LCORL: variants seen among roughly 807,000 people sequenced by gnomAD.
The protein encoded by LCORL is ligand-dependent nuclear receptor corepressor-like protein.
In LCORL, 41 loss-of-function variants were observed where a neutral mutation model predicts 141.8. The ratio of observed to expected loss-of-function variants is 0.29; its 90% CI spans 0.23 to 0.38. The LOEUF (loss-of-function observed/expected upper bound fraction) is 0.38. LCORL is among the 10% of genes least tolerant of loss of function. LCORL has a pLI of 1.00. For synonymous variants in LCORL, 618 were observed against 694.1 expected (o/e 0.89, Z 1.72); for missense variants, 1,759 against 2,035.0 (o/e 0.86, Z 2.61).
At chr4:17,967,898 C>T (rs1192421030) in intron 2 of LCORL, among the ~76,000 whole-genome samples, 1 of 151,086 alleles carries the variant, frequency 6.6e-6, no homozygotes, top group Non-Finnish European at 1.5e-5. Context: ...CACTCTGTTG[C>T]CCAGGCTGGA....
At chr4:17,883,795 T>C (rs1174867289) in intron 6 of LCORL, 2 of 1,550,668 alleles carry the variant, frequency 1.3e-6, no homozygotes, top group East Asian at 2.4e-5. Context: ...TGTCTGGTAA[T>C]CGTAGTTTCT....
Position 17,920,741 on chromosome 4 carries a change from C to A in LCORL, c.431-11396G>T, listed in dbSNP as rs114566200. 4.9e-3 allele frequency among the ~76,000 whole-genome samples: 742 copies of A among 152,340 alleles called. 4 individuals are homozygous for A. The highest frequency in any genetic ancestry group is 0.017 in the African/African-American group (706 of 41,562). ...TTCAACAATGCTCACAGCATCTTTGCCAGAAGTAAATTCCCTCTCAGGAAA... is the reference window on the plus strand; with the variant it reads ...TTCAACAATGCTCACAGCATCTTTGACAGAAGTAAATTCCCTCTCAGGAAA... On this transcript the variant is annotated intron_variant, in intron 4 of 7. Transcript: ENST00000635767.
In LCORL at chr4:17,952,162, C is replaced by T. The variant is rs112521868; in HGVS notation, c.430+9741G>A. On this transcript the variant is annotated intron_variant, in intron 4 of 7. Transcript: ENST00000635767. ...CAGATTGCTATATATTAAATATAGG[C>T]TAATTTTACTGACTGCCATATTAGA... is the stretch of plus-strand genomic sequence containing the variant. Among the ~76,000 whole-genome samples the T allele has an allele frequency of 4.6e-5, 7 of 152,076 alleles. 1 individual carries two copies. The highest frequency in any genetic ancestry group is 1.7e-4 in the African/African-American group (7 of 41,498).
chr4:17,948,115 T>G (rs780218855), intron 4 of LCORL, among the ~76,000 whole-genome samples: 1 of 151,898 alleles, frequency 6.6e-6, no homozygotes, highest in Non-Finnish European at 1.5e-5. Flanking sequence ...GTGATAAATA[T>G]GTGGAGGGTT....
At chr4:17,936,020 C>A (rs778034880) in intron 4 of LCORL, among the ~76,000 whole-genome samples, 1 of 152,108 alleles carries the variant, frequency 6.6e-6, no homozygotes, top group Admixed American at 6.5e-5. Context: ...ACTAAACTTA[C>A]AAGAGTAAAC....
chr4:18,021,836 A>T lies in LCORL; in HGVS notation c.-85T>A, dbSNP rs1228025023. 7.2e-7 allele frequency: 1 copy of T among 1,384,806 alleles called. No individual in the cohort carries two copies. The highest frequency in any genetic ancestry group is 9.3e-7 in the Non-Finnish European group (1 of 1,074,014). The allele number at this position is 1,384,806 out of a possible 1,614,324, so 85.8% of individuals were successfully genotyped here. ...CGCGAGCCCTCGGCGCGAGCCCCGG[A>T]GCGCGCGCCCCCCGGAGGGGGGTTG... is the stretch of plus-strand genomic sequence containing the variant. On this transcript the variant is annotated 5_prime_UTR_variant, in exon 1 of 8. Transcript: ENST00000635767. This position sits in a 1 kb window ranked among gnomAD's most constrained non-coding sequence, Gnocchi z 5.5.
At chr4:17,988,537 G>A (rs1719418909) in intron 1 of LCORL, among the ~76,000 whole-genome samples, 1 of 151,986 alleles carries the variant, frequency 6.6e-6, no homozygotes. Context: ...CTACTCCTAA[G>A]CTAATACCAC....
intron 7 of LCORL, among the ~76,000 whole-genome samples, chr4:17,857,406 T>C (rs1004821856): frequency 3.9e-5 from 6 of 152,194 alleles, no homozygotes; most frequent in Non-Finnish European, 8.8e-5. Flanking sequence ...AATAATTTTC[T>C]GGAGGCTATA....
At chr4:17,877,090 G>A (rs1206668098) in exon 7 of LCORL, 2 of 1,230,686 alleles carry the variant, frequency 1.6e-6, no homozygotes, top group Non-Finnish European at 2.0e-6. Flanking sequence ...AGACTAGCAA[G>A]TTCTCTTTTT....
At chr4:17,883,189 G>A (rs1012553473) in intron 6 of LCORL, 21 of 981,048 alleles carry the variant, frequency 2.1e-5, no homozygotes, top group Non-Finnish European at 2.5e-5. Context: ...ATGCACTGTC[G>A]TGTACTAATA....
intron 4 of LCORL, among the ~76,000 whole-genome samples, chr4:17,959,973 C>T (rs1390473512): frequency 6.6e-6 from 1 of 151,974 alleles, no homozygotes; most frequent in Non-Finnish European, 1.5e-5. Context: ...GAGTTAAGAC[C>T]ATTTAAAAGA....
In LCORL at chr4:18,021,444, G is replaced by A. The variant is rs751440026; in HGVS notation, c.154+154C>T. 1.3e-5 allele frequency among the ~76,000 whole-genome samples: 2 copies of A among 152,048 alleles called. No homozygotes were observed. The highest frequency in any genetic ancestry group is 2.9e-5 in the Non-Finnish European group (2 of 67,966). On this transcript the variant is annotated intron_variant, in intron 1 of 7. Coordinates refer to ENST00000635767, the Ensembl canonical transcript of LCORL. This position sits in a 1 kb window ranked among gnomAD's most constrained non-coding sequence, Gnocchi z 5.5. ...CAGCAGCCCGCAAGACAAAAGGCGA[G>A]CGCCGGGGCCGCCGCGCCGCGCCGC... is the stretch of plus-strand genomic sequence containing the variant.
chr4:17,865,102 A>C (rs1158364569), intron 7 of LCORL, among the ~76,000 whole-genome samples: 2 of 152,210 alleles, frequency 1.3e-5, no homozygotes, highest in East Asian at 3.8e-4. Flanking sequence ...GTAGACTGAA[A>C]TTCACCAAGA....
At chr4:17,986,995 A>C (rs1173603870) in intron 1 of LCORL, among the ~76,000 whole-genome samples, 1 of 152,122 alleles carries the variant, frequency 6.6e-6, no homozygotes, top group Admixed American at 6.5e-5. Flanking sequence ...TTCTTACATA[A>C]GAAAAATTTT....
rs1050571978 is a variant in LCORL, at chr4:17,888,076, T to G, written c.683-1915A>C. 9.9e-5 allele frequency among the ~76,000 whole-genome samples: 15 copies of G among 152,224 alleles called. No individual in the cohort carries two copies. In the East Asian group the frequency reaches 2.9e-3, roughly 29 times the overall value. On this transcript the variant is annotated intron_variant, in intron 5 of 7. Coordinates refer to ENST00000635767, the Ensembl canonical transcript of LCORL. The stretch of plus-strand genomic sequence containing the variant: ...TGCTAGTTGTTCATATACCCACCAG[T>G]GCTAGCCACAGACTATAAGCTATGT...
intron 4 of LCORL, among the ~76,000 whole-genome samples, chr4:17,932,225 ATC>A (rs1736159334): frequency 6.6e-6 from 1 of 152,184 alleles, no homozygotes; most frequent in African/African-American, 2.4e-5. Flanking sequence ...CATTCTGGAC[ATC>A]TGTTTAACAG....
chr4:17,882,984 TTATTA>T (rs1727778440), intron 6 of LCORL: 3 of 939,800 alleles, frequency 3.2e-6, no homozygotes, highest in South Asian at 4.9e-5. Flanking sequence ...GTACTCCATC[TTATTA>T]TATTAAAGGG....
chr4:17,880,373 T>C, intron 6 of LCORL: 3 of 757,170 alleles, frequency 4.0e-6, no homozygotes, highest in Non-Finnish European at 4.8e-6. Flanking sequence ...CAGGTGATTA[T>C]ATAAGGTTCT....
intron 6 of LCORL, among the ~76,000 whole-genome samples, chr4:17,879,238 T>A (rs1157032944): frequency 6.6e-6 from 1 of 151,112 alleles, no homozygotes; most frequent in Non-Finnish European, 1.5e-5. Context: ...AAACAGGAAG[T>A]GGAATATTTT....
Sources: allele counts gnomAD v4.1 joint callset (sites outside exome capture counted in the v4.1 genomes callset), GRCh38; gene constraint gnomAD v4.1.1; non-coding constraint Gnocchi (gnomAD v3.1); transcripts MANE v1.5; gene names NCBI Gene and HGNC (gene_info 2026-07-23, HGNC 2026-07-21).